The following RAB7A variants were observed in gnomAD, a reference collection of about 807,000 sequenced individuals.
RAB7A encodes the protein RAB7A, member RAS oncogene family.
RAB7A carries 2 observed loss-of-function variants against 24.5 expected under a neutral mutation model. The observed-to-expected ratio is 0.08, with a 90% CI of 0.03 to 0.26. The LOEUF (loss-of-function observed/expected upper bound fraction) is 0.26. RAB7A is among the 10% of genes least tolerant of loss of function. RAB7A has a pLI of 1.00. For synonymous variants in RAB7A, 100 were observed against 95.9 expected, an observed-to-expected ratio of 1.04 and a Z score of -0.25; for missense variants, 118 against 255.7, an observed-to-expected ratio of 0.46 and a Z score of 3.67.
chr3:128,728,702 T>A (rs2070404780), intron 1 of RAB7A, among the ~76,000 whole-genome samples: 1 of 152,152 alleles, frequency 6.6e-6, no homozygotes, highest in South Asian at 2.1e-4. Flanking sequence ...CCTCAGGTGA[T>A]CCGCCTGTCT....
chr3:128,757,896 C>CA (rs1410123583), intron 1 of RAB7A, among the ~76,000 whole-genome samples: 6 of 152,110 alleles, frequency 3.9e-5, no homozygotes, highest in African/African-American at 1.4e-4. Context: ...TGGGCTTAAG[C>CA]AGTCTTCCTG....
intron 3 of RAB7A, among the ~76,000 whole-genome samples, chr3:128,805,716 G>A (rs1284623772): frequency 5.9e-5 from 9 of 152,056 alleles, no homozygotes; most frequent in African/African-American, 1.4e-4. Flanking sequence ...GCAATGGCAC[G>A]ATCTTGGCTC....
intron 1 of RAB7A, among the ~76,000 whole-genome samples, chr3:128,765,204 G>A (rs115540243): frequency 0.012 from 1,881 of 152,204 alleles, 35 homozygotes; most frequent in African/African-American, 0.042. Context: ...GACGACTCTC[G>A]GCGAAGAATG....
intron 1 of RAB7A, among the ~76,000 whole-genome samples, chr3:128,772,044 A>C (rs1025365280): frequency 6.6e-6 from 1 of 152,260 alleles, no homozygotes; most frequent in African/African-American, 2.4e-5. Context: ...TAAAATGAAC[A>C]CATGTTAAAA....
chr3:128,754,002 A>C (rs2070709220), intron 1 of RAB7A, among the ~76,000 whole-genome samples: 1 of 152,076 alleles, frequency 6.6e-6, no homozygotes, highest in South Asian at 2.1e-4. Flanking sequence ...AAACTACAGC[A>C]CCAGATGATT....
chr3:128,796,003 G>A (rs1933566482), intron 2 of RAB7A, among the ~76,000 whole-genome samples: 1 of 151,562 alleles, frequency 6.6e-6, no homozygotes, highest in Non-Finnish European at 1.5e-5. Context: ...CGCCTGCCTC[G>A]GCCTCCCAAA....
At chr3:128,809,936 C>CTTTTTTTTTTTTTTTTTTTTTTGTTTT (rs1933887795) in intron 5 of RAB7A, among the ~76,000 whole-genome samples, 1 of 52,216 alleles carries the variant, frequency 1.9e-5, no homozygotes, top group Admixed American at 2.9e-4. Flanking sequence ...TTGCCACAGT[C>CTTTTTTTTTTTTTTTTTTTTTTGTTTT]TTTTTTTTTT....
At chr3:128,795,540 G>T in intron 2 of RAB7A, 120 bp downstream of exon 2, 1 of 893,964 alleles carries the variant, frequency 1.1e-6, no homozygotes. Context: ...GGCCTTACAT[G>T]TTTCCCTCCA....
intron 1 of RAB7A, among the ~76,000 whole-genome samples, chr3:128,761,157 T>C (rs909250211): frequency 6.6e-6 from 1 of 152,208 alleles, no homozygotes; most frequent in Non-Finnish European, 1.5e-5. Context: ...AATTCTGGCC[T>C]GTATTCTTCT....
intron 1 of RAB7A, among the ~76,000 whole-genome samples, chr3:128,781,573 G>A (rs1933222581): frequency 6.6e-6 from 1 of 152,112 alleles, no homozygotes; most frequent in Admixed American, 6.6e-5. Context: ...CTGTTCAAGA[G>A]GCCAAGGGTG....
chr3:128,764,618 T>G, intron 1 of RAB7A: 1 of 1,274,916 alleles, frequency 7.8e-7, no homozygotes. Context: ...CATGTCTCAA[T>G]GAAGTCACAC....
Position 128,792,787 on chromosome 3 carries a change from G to A in RAB7A, c.-8-2573G>A, listed in dbSNP as rs186085840. Reference sequence around the variant, plus strand: ...TTCTCCTGCCTCAGTCTCCCGAATAGCTGGAATTACAGGCACCCACCGAGC... The same window carrying A: ...TTCTCCTGCCTCAGTCTCCCGAATAACTGGAATTACAGGCACCCACCGAGC... On this transcript the variant is annotated intron_variant, in intron 1 of 5. Transcript: ENST00000265062. Among the ~76,000 whole-genome samples, 19 of 151,610 alleles carry A rather than the reference G, an allele frequency of 1.3e-4. No homozygotes were observed. The East Asian group carries it at 3.5e-3, about 28-fold the overall frequency.
intron 1 of RAB7A, among the ~76,000 whole-genome samples, chr3:128,761,659 C>G (rs2070776732): frequency 6.6e-6 from 1 of 152,200 alleles, no homozygotes; most frequent in Non-Finnish European, 1.5e-5. Context: ...ACTGAGTTCT[C>G]TGCCACAGAT....
chr3:128,806,274 C>G (rs1454329227), intron 3 of RAB7A, 98 bp from the exon 4 acceptor site: 1 of 1,110,498 alleles, frequency 9.0e-7, no homozygotes, highest in African/African-American at 1.6e-5. Flanking sequence ...TGTGGGTGGC[C>G]CCACAATCTA....
At chr3:128,764,780 G>A in intron 1 of RAB7A, 1 of 833,628 alleles carries the variant, frequency 1.2e-6, no homozygotes, top group Non-Finnish European at 2.1e-6. Context: ...AGGAAGATTT[G>A]GCCACCACGA....
intron 1 of RAB7A, among the ~76,000 whole-genome samples, chr3:128,787,552 G>C (rs1015952713): frequency 1.9e-4 from 29 of 152,316 alleles, no homozygotes; most frequent in African/African-American, 6.7e-4. Context: ...GTTGCTGTCT[G>C]ACTGTGGATG....
chr3:128,765,645 T>C (rs1203129566), intron 1 of RAB7A, among the ~76,000 whole-genome samples: 1 of 152,218 alleles, frequency 6.6e-6, no homozygotes, highest in African/African-American at 2.4e-5. Flanking sequence ...TGTCCTCACA[T>C]GGTGGAAGGG....
At chr3:128,760,253 C>T (rs1436852245) in intron 1 of RAB7A, among the ~76,000 whole-genome samples, 1 of 152,140 alleles carries the variant, frequency 6.6e-6, no homozygotes, top group African/African-American at 2.4e-5. Flanking sequence ...TGTTCTTTGC[C>T]CTCTGGACTC....
intron 1 of RAB7A, among the ~76,000 whole-genome samples, chr3:128,767,849 C>T (rs1024467146): frequency 1.3e-5 from 2 of 152,266 alleles, no homozygotes; most frequent in South Asian, 2.1e-4. Flanking sequence ...AGCCTCCTGG[C>T]CTCTGACTAT....
Sources: allele counts gnomAD v4.1 joint callset (sites outside exome capture counted in the v4.1 genomes callset), GRCh38; gene constraint gnomAD v4.1.1; transcripts MANE v1.5; gene names NCBI Gene and HGNC (gene_info 2026-07-23, HGNC 2026-07-21).